Variants in SLC26A5 observed in about 807,000 individuals in gnomAD.
The protein encoded by SLC26A5 is prestin.
Under a neutral mutation model 81.0 loss-of-function variants are expected in SLC26A5, and 51 were observed. The ratio of observed to expected loss-of-function variants is 0.63; its 90% CI spans 0.50 to 0.80. The LOEUF (loss-of-function observed/expected upper bound fraction) is 0.80, where lower values mean the gene tolerates loss of function less well. Among genes scored for constraint, SLC26A5 ranks in the 30% least tolerant of loss-of-function variants. SLC26A5 has a pLI of 0.00. For missense variants in SLC26A5, 771 were observed against 905.8 expected, an observed-to-expected ratio of 0.85 and a Z score of 1.91; for synonymous variants, 325 against 332.8, an observed-to-expected ratio of 0.98 and a Z score of 0.25.
intron 19 of SLC26A5, among the ~76,000 whole-genome samples, chr7:103,365,913 G>A (rs1045689077): frequency 1.3e-5 from 2 of 152,014 alleles, no homozygotes; most frequent in African/African-American, 4.8e-5. Flanking sequence ...GGGCGACAGA[G>A]GAAGACTCCA....
At chr7:103,383,241 C>T (rs1469909380) in intron 14 of SLC26A5, among the ~76,000 whole-genome samples, 1 of 152,164 alleles carries the variant, frequency 6.6e-6, no homozygotes, top group Non-Finnish European at 1.5e-5. Flanking sequence ...CAATCCAGTG[C>T]CACAGGGGAG....
chr7:103,423,457 G>A (rs1235693228), intron 2 of SLC26A5, among the ~76,000 whole-genome samples: 2 of 152,154 alleles, frequency 1.3e-5, no homozygotes, highest in Admixed American at 6.6e-5. Context: ...GACTGTTTTT[G>A]TCTCTTTCAA....
rs963059728 is a variant in SLC26A5, at chr7:103,378,548, T to G, written c.1683A>C (p.Gly561=). The part of the protein sequence containing the change: ...LYSNALKRKT[G]VNPAVIMGAR... ...CTCCCATGATGACTGCTGGGTTCAC[T>G]CCAGTCTTTACAGAAGAGCACCATA... The change falls in exon 17 of 20, where the codon GGA becomes GGC. Residue 561 remains glycine (G), a synonymous_variant. Coordinates refer to ENST00000306312, the MANE Select transcript of SLC26A5 (RefSeq NM_198999.3). The G allele has an allele frequency of 6.2e-7, 1 of 1,613,890 alleles. No homozygotes were observed. Among genetic ancestry groups the G allele is most frequent in the Non-Finnish European group, 8.5e-7 (1 of 1,179,926 alleles).
intron 8 of SLC26A5, among the ~76,000 whole-genome samples, chr7:103,403,647 T>C (rs1823783202): frequency 6.6e-6 from 1 of 152,108 alleles, no homozygotes; most frequent in Admixed American, 6.6e-5. Context: ...TTTTGATCTT[T>C]GTTGGTTTAA....
At chr7:103,385,726 G>T (rs1341463029) in intron 14 of SLC26A5, among the ~76,000 whole-genome samples, 1 of 145,838 alleles carries the variant, frequency 6.9e-6, no homozygotes, top group African/African-American at 2.6e-5. Context: ...TTTGAGACAG[G>T]GTCTCACTCT....
At chr7:103,365,356 G>A (rs1024174725) in intron 19 of SLC26A5, among the ~76,000 whole-genome samples, 1 of 152,164 alleles carries the variant, frequency 6.6e-6, no homozygotes, top group Non-Finnish European at 1.5e-5. Context: ...GATAGGCCAG[G>A]CACGGTGGCT....
intron 19 of SLC26A5, chr7:103,363,411 GAGA>G (rs1563494056): frequency 6.2e-7 from 1 of 1,613,586 alleles, no homozygotes. Flanking sequence ...GAGAAACTGC[GAGA>G]AGTAGTTGAA....
At chr7:103,353,856 T>A in intron 19 of SLC26A5, 1 of 1,397,070 alleles carries the variant, frequency 7.2e-7, no homozygotes, top group Admixed American at 1.8e-5. Flanking sequence ...AAGCTCTAGT[T>A]TCTTTTTTAA....
At chr7:103,365,367 C>T (rs1311709596) in intron 19 of SLC26A5, among the ~76,000 whole-genome samples, 1 of 152,160 alleles carries the variant, frequency 6.6e-6, no homozygotes, top group Non-Finnish European at 1.5e-5. Context: ...CACGGTGGCT[C>T]ATGCCTGTAA....
chr7:103,442,218 T>C (rs1364250255), intron 2 of SLC26A5, among the ~76,000 whole-genome samples: 1 of 152,166 alleles, frequency 6.6e-6, no homozygotes, highest in Non-Finnish European at 1.5e-5. Context: ...CTCGGCTCAC[T>C]GCAACCTCCA....
chr7:103,395,854 T>C (rs190676063), intron 9 of SLC26A5, among the ~76,000 whole-genome samples: 198 of 152,142 alleles, frequency 1.3e-3, no homozygotes, highest in African/African-American at 4.2e-3. Flanking sequence ...TTAGATAATA[T>C]AGATGAAGCA....
chr7:103,364,703 C>T (rs1253295973), intron 19 of SLC26A5, among the ~76,000 whole-genome samples: 8 of 151,984 alleles, frequency 5.3e-5, no homozygotes, highest in African/African-American at 9.7e-5. Context: ...CCACCACGCC[C>T]GGCCTGAGAC....
chr7:103,416,121 A>G (rs1824890143), intron 4 of SLC26A5, among the ~76,000 whole-genome samples: 1 of 152,054 alleles, frequency 6.6e-6, no homozygotes, highest in African/African-American at 2.4e-5. Flanking sequence ...TTTTTGTTTC[A>G]TAGATTCAAT....
At chr7:103,421,318 T>A in intron 3 of SLC26A5, 45 bp downstream of exon 3, 1 of 1,608,888 alleles carries the variant, frequency 6.2e-7, no homozygotes, top group East Asian at 2.2e-5. Flanking sequence ...GCGCCTCTCA[T>A]AACTGAATGA....
chr7:103,386,258 T>C (rs1233736400), intron 14 of SLC26A5, among the ~76,000 whole-genome samples: 2 of 151,336 alleles, frequency 1.3e-5, no homozygotes, highest in African/African-American at 2.4e-5. Context: ...AAAAAAAAAC[T>C]TGCTGGACTT....
chr7:103,424,571 C>T (rs1398787032), intron 2 of SLC26A5, among the ~76,000 whole-genome samples: 1 of 152,124 alleles, frequency 6.6e-6, no homozygotes, highest in Non-Finnish European at 1.5e-5. Flanking sequence ...AGTCTTTTGT[C>T]CTAGTTCAGA....
chr7:103,370,424 C>A (rs1211882398), downstream of SLC26A5, among the ~76,000 whole-genome samples: 2 of 151,494 alleles, frequency 1.3e-5, no homozygotes, highest in African/African-American at 4.9e-5. Flanking sequence ...ACCCACCCAC[C>A]CCAGGACAGA....
chr7:103,360,993 A>C (rs1435145819), intron 19 of SLC26A5, among the ~76,000 whole-genome samples: 1 of 152,138 alleles, frequency 6.6e-6, no homozygotes, highest in African/African-American at 2.4e-5. Flanking sequence ...GCATTCCTGT[A>C]ATGCCAGCTA....
downstream of SLC26A5, among the ~76,000 whole-genome samples, chr7:103,372,417 G>C (rs1315733390): frequency 6.6e-6 from 1 of 152,180 alleles, no homozygotes; most frequent in Admixed American, 6.5e-5. Context: ...GCATATTAAA[G>C]AAAAGACAAA....
Sources: allele counts gnomAD v4.1 joint callset (sites outside exome capture counted in the v4.1 genomes callset), GRCh38; gene constraint gnomAD v4.1.1; transcripts MANE v1.5; gene names NCBI Gene and HGNC (gene_info 2026-07-23, HGNC 2026-07-21).